Variants in PLEKHA5 observed in about 807,000 individuals in gnomAD.
PLEKHA5 encodes pleckstrin homology domain containing A5, also known as pleckstrin homology domain-containing family A member 5.
A neutral mutation model predicts 181.9 loss-of-function variants in PLEKHA5; 55 were observed. The ratio of observed to expected loss-of-function variants is 0.30; its 90% CI spans 0.24 to 0.38. The LOEUF (loss-of-function observed/expected upper bound fraction) is 0.38. Ranked by LOEUF, PLEKHA5 falls within the 10% of genes least tolerant of loss-of-function variation. The pLI is 1.00. For missense variants in PLEKHA5, 1,432 were observed against 1,549.5 expected, an observed-to-expected ratio of 0.92 and a Z score of 1.27; for synonymous variants, 535 against 529.4, an observed-to-expected ratio of 1.01 and a Z score of -0.15.
At chr12:19,337,392 T>C (rs773966824) in intron 21 of PLEKHA5, among the ~76,000 whole-genome samples, 4 of 150,632 alleles carry the variant, frequency 2.7e-5, no homozygotes, top group South Asian at 2.1e-4. Context: ...GTCTCTACTA[T>C]AAATACAAAA....
intron 15 of PLEKHA5, among the ~76,000 whole-genome samples, chr12:19,308,373 C>T (rs1161359501): frequency 6.6e-6 from 1 of 152,126 alleles, no homozygotes; most frequent in Non-Finnish European, 1.5e-5. Flanking sequence ...TTATAAAGCT[C>T]TTGTTATTGA....
chr12:19,332,711 T>C (rs2092967089), intron 20 of PLEKHA5, among the ~76,000 whole-genome samples: 1 of 152,202 alleles, frequency 6.6e-6, no homozygotes, highest in South Asian at 2.1e-4. Flanking sequence ...TTACACAGGC[T>C]GGAGTACAAT....
chr12:19,362,561 C>G (rs1000581336), intron 29 of PLEKHA5, among the ~76,000 whole-genome samples: 1 of 151,814 alleles, frequency 6.6e-6, no homozygotes, highest in South Asian at 2.1e-4. Context: ...AAAGAAAATA[C>G]ATGTACAGCA....
chr12:19,136,713 A>G (rs1009169601), intron 3 of PLEKHA5, among the ~76,000 whole-genome samples: 16 of 152,284 alleles, frequency 1.1e-4, no homozygotes, highest in Middle Eastern at 3.4e-3. Context: ...TATCAAAACA[A>G]TATTTGCGGG....
intron 16 of PLEKHA5, among the ~76,000 whole-genome samples, chr12:19,316,202 C>T (rs1053228727): frequency 6.6e-6 from 1 of 151,854 alleles, no homozygotes; most frequent in African/African-American, 2.4e-5. Context: ...GACATGAGAT[C>T]AAAGGGATTT....
intron 15 of PLEKHA5, among the ~76,000 whole-genome samples, chr12:19,304,585 G>T (rs1565591821): frequency 6.6e-6 from 1 of 152,084 alleles, no homozygotes; most frequent in Non-Finnish European, 1.5e-5. Context: ...GCCAGGATAG[G>T]ACCATGGTTC....
chr12:19,254,474 T>A (rs1241349974), intron 4 of PLEKHA5, among the ~76,000 whole-genome samples: 1 of 152,338 alleles, frequency 6.6e-6, no homozygotes, highest in African/African-American at 2.4e-5. Context: ...AATTCATTTT[T>A]AATTTTTCAG....
chr12:19,310,185 C>T (rs569408289), intron 15 of PLEKHA5, among the ~76,000 whole-genome samples: 30 of 152,292 alleles, frequency 2.0e-4, no homozygotes, highest in African/African-American at 6.7e-4. Flanking sequence ...AAACATCCTA[C>T]GTGTACTATT....
At chr12:19,363,435 G>A (rs1403777316) in intron 29 of PLEKHA5, among the ~76,000 whole-genome samples, 1 of 151,346 alleles carries the variant, frequency 6.6e-6, no homozygotes, top group Non-Finnish European at 1.5e-5. Context: ...CCAAAGTGCT[G>A]GTATTACAGG....
intron 28 of PLEKHA5, among the ~76,000 whole-genome samples, chr12:19,361,157 T>G (rs549062816): frequency 6.6e-6 from 1 of 152,276 alleles, no homozygotes; most frequent in South Asian, 2.1e-4. Context: ...AAATATTTGA[T>G]AGAGTGTGAT....
At chr12:19,234,983 T>C (rs1327862990) in intron 3 of PLEKHA5, among the ~76,000 whole-genome samples, 1 of 152,342 alleles carries the variant, frequency 6.6e-6, no homozygotes, top group South Asian at 2.1e-4. Flanking sequence ...GTGGAAAAGT[T>C]GTTTCATTGA....
intron 13 of PLEKHA5, among the ~76,000 whole-genome samples, chr12:19,288,423 A>G (rs965933278): frequency 3.3e-5 from 5 of 152,188 alleles, no homozygotes; most frequent in African/African-American, 1.2e-4. Context: ...AAGAGAAAAG[A>G]TGACTTTTCC....
intron 3 of PLEKHA5, among the ~76,000 whole-genome samples, chr12:19,184,273 T>C (rs1187336695): frequency 2.0e-5 from 3 of 152,214 alleles, no homozygotes; most frequent in Non-Finnish European, 2.9e-5. Context: ...CTAGACCTTA[T>C]TTATCAAGCC....
chr12:19,342,547 T>G (rs2094017886), intron 21 of PLEKHA5, among the ~76,000 whole-genome samples: 1 of 152,028 alleles, frequency 6.6e-6, no homozygotes, highest in South Asian at 2.1e-4. Flanking sequence ...TCCTAGCTAC[T>G]CGGGAGGCTG....
intron 15 of PLEKHA5, among the ~76,000 whole-genome samples, chr12:19,296,019 G>A (rs1166474244): frequency 6.6e-6 from 1 of 152,076 alleles, no homozygotes; most frequent in African/African-American, 2.4e-5. Context: ...ATCACCTGAG[G>A]GCAGGAGTTC....
intron 3 of PLEKHA5, among the ~76,000 whole-genome samples, chr12:19,134,103 A>T (rs942579407): frequency 1.3e-5 from 2 of 152,026 alleles, no homozygotes; most frequent in African/African-American, 2.4e-5. Context: ...TGTTTATTTG[A>T]TAGTACAAAA....
At chr12:19,153,061 T>G (rs2040834870) in intron 3 of PLEKHA5, 3 of 151,956 alleles carry the variant, frequency 2.0e-5, no homozygotes, top group Admixed American at 2.0e-4. Flanking sequence ...ATTCCAGTCC[T>G]TACATTTCTT....
rs2087871324 is a variant in PLEKHA5 at position 19,314,646 on chromosome 12, G to A, written c.2038-168G>A. The A allele has an allele frequency of 6.4e-6, 4 of 624,312 alleles. No homozygotes were observed. In the Admixed American group the frequency reaches 8.9e-5, roughly 14 times the overall value. The allele number at this position is 624,312 out of a possible 1,614,324, so 38.7% of individuals were successfully genotyped here. On this transcript the variant is annotated intron_variant, in intron 15 of 31. Transcript: ENST00000429027. ...AAGTATTTCACAGCGTTTAATACTTGTTTGAAATGGTTTATATGAATTAAA... is the reference window on the plus strand; with the variant it reads ...AAGTATTTCACAGCGTTTAATACTTATTTGAAATGGTTTATATGAATTAAA...
chr12:19,277,578 G>A (rs2074939592), intron 11 of PLEKHA5, among the ~76,000 whole-genome samples: 1 of 152,010 alleles, frequency 6.6e-6, no homozygotes, highest in Non-Finnish European at 1.5e-5. Context: ...TTATTTAGAT[G>A]TTCTTTTGAA....
Sources: gnomAD v4.1 joint callset for allele counts (sites outside exome capture counted in the v4.1 genomes callset) on GRCh38, gnomAD v4.1.1 for gene constraint, MANE v1.5 for transcripts, NCBI Gene and HGNC (gene_info 2026-07-23, HGNC 2026-07-21) for gene names.